The following PCDHGB6 variants were observed in gnomAD, a reference collection of about 807,000 sequenced individuals.
PCDHGB6 encodes the protein protocadherin gamma-B6.
PCDHGB6 carries 51 observed loss-of-function variants against 59.1 expected under a neutral mutation model. That is an observed-to-expected ratio of 0.86 (90% CI 0.69 to 1.09). PCDHGB6 has a LOEUF of 1.09. PCDHGB6 is among the 50% of genes least tolerant of loss of function. The probability of loss-of-function intolerance (pLI) is 0.00; values close to 1 mark genes in which losing one functional copy is unlikely to be tolerated. For missense variants in PCDHGB6, 1,148 were observed against 1,205.1 expected (o/e 0.95, Z 0.70); for synonymous variants, 466 against 495.1 (o/e 0.94, Z 0.78).
In PCDHGB6 at chr5:141,491,759, G is replaced by A; in HGVS notation, c.2419-3048G>A. On this transcript the variant is annotated intron_variant, in intron 1 of 3. Coordinates refer to ENST00000520790, the MANE Select transcript of PCDHGB6 (RefSeq NM_018926.3). The surrounding 1 kb of genome is among the most constrained non-coding windows in gnomAD (Gnocchi z 6.9). ...GGGGGCGGCACTGGAGAAGCCGCCC[G>A]TCCTCATAAGGGATTGAACTTGCAT... 2 of 1,575,392 alleles carry A rather than the reference G, an allele frequency of 1.3e-6. No homozygotes were observed. The highest frequency in any genetic ancestry group is 1.9e-5 in the Admixed American group (1 of 52,640).
intron 1 of PCDHGB6, chr5:141,428,289 G>A: frequency 1.4e-6 from 1 of 728,400 alleles, no homozygotes; most frequent in Non-Finnish European, 2.4e-6. Context: ...CCCAAGCAAA[G>A]CTGCAGATTT....
intron 1 of PCDHGB6, chr5:141,426,709 A>G (rs1259104705): frequency 6.8e-6 from 3 of 443,800 alleles, no homozygotes; most frequent in South Asian, 3.1e-5. Flanking sequence ...TTACAAATCA[A>G]TGAACTAGCA....
At position 141,430,860 on chromosome 5, in the gene PCDHGB6, C is replaced by G. The variant is rs773955533; in HGVS notation, c.2418+20240C>G. ...ACCGGATGCACCCAGATACGCTATTCAGTTCCGGAAGAGCTGGAGAAAGGC... is the reference window on the plus strand; with the variant it reads ...ACCGGATGCACCCAGATACGCTATTGAGTTCCGGAAGAGCTGGAGAAAGGC... On this transcript the variant is annotated intron_variant, in intron 1 of 3. Transcript: ENST00000520790. 4 of 1,592,382 alleles carry G rather than the reference C, an allele frequency of 2.5e-6. No individual in the cohort carries two copies. In the South Asian group the frequency reaches 4.6e-5, roughly 18 times the overall value.
Position 141,490,924 on chromosome 5 carries a change from C to G in PCDHGB6, c.2419-3883C>G, listed in dbSNP as rs1469202824. The G allele has an allele frequency of 1.9e-6, 3 of 1,613,562 alleles. No individual in the cohort carries two copies. The highest frequency in any genetic ancestry group is 2.5e-6 in the Non-Finnish European group (3 of 1,179,702). ...TGTCCTAGACGAGAATGATAATGCC[C>G]CAGCTGTGCTGCACCCACGGCCAGA... On this transcript the variant is annotated intron_variant, in intron 1 of 3. Transcript: ENST00000520790. The surrounding 1 kb of genome is among the most constrained non-coding windows in gnomAD (Gnocchi z 5.4).
chr5:141,437,728 A>T (rs1236819934), intron 1 of PCDHGB6, among the ~76,000 whole-genome samples: 1 of 150,908 alleles, frequency 6.6e-6, no homozygotes, highest in Non-Finnish European at 1.5e-5. Context: ...CTAATGTTAC[A>T]CTTTGAGTTC....
At chr5:141,482,239 A>G (rs529504334) in intron 1 of PCDHGB6, among the ~76,000 whole-genome samples, 31 of 152,332 alleles carry the variant, frequency 2.0e-4, no homozygotes, top group Middle Eastern at 3.4e-3. Context: ...TGCCAATATA[A>G]GTATAGTACT....
chr5:141,409,446 C>A lies in PCDHGB6; in HGVS notation c.1244C>A (p.Thr415Lys). ...GATGGAGCCCTGGACCGAGAGCAGACACCAGAATACAATGTCACCATCGTA... is the reference window on the plus strand; with the variant it reads ...GATGGAGCCCTGGACCGAGAGCAGAAACCAGAATACAATGTCACCATCGTA... ...VTDGALDREQTPEYNVTIVAT... is the reference protein window; with the variant it reads ...VTDGALDREQKPEYNVTIVAT... The change falls in exon 1 of 4, where the codon ACA (threonine) becomes AAA (lysine). Residue 415 changes from threonine (T) to lysine (K), a missense_variant. Around this residue, in one of 5 missense-constraint regions of PCDHGB6, gnomAD observed 549 missense variants for 527.5 expected, o/e 1.04. Coordinates refer to ENST00000520790, the MANE Select transcript of PCDHGB6 (RefSeq NM_018926.3). 1 of 1,613,984 alleles carries A rather than the reference C, an allele frequency of 6.2e-7. No individual in the cohort carries two copies. The highest frequency in any genetic ancestry group is 1.6e-4 in the Middle Eastern group (1 of 6,062).
chr5:141,465,786 T>G (rs1236517595), intron 1 of PCDHGB6, among the ~76,000 whole-genome samples: 1 of 152,136 alleles, frequency 6.6e-6, no homozygotes, highest in Non-Finnish European at 1.5e-5. Flanking sequence ...ACAGTTTTTT[T>G]TTTTTTAAGA....
At chr5:141,418,632 G>A in intron 1 of PCDHGB6, 1 of 1,614,028 alleles carries the variant, frequency 6.2e-7, no homozygotes, top group Non-Finnish European at 8.5e-7. Flanking sequence ...GTGCCTCCAG[G>A]CACCTCCATC....
chr5:141,416,817 C>T (rs1197915095), intron 1 of PCDHGB6: 1 of 151,958 alleles, frequency 6.6e-6, no homozygotes, highest in Non-Finnish European at 1.5e-5. Flanking sequence ...AAAAAGCATT[C>T]CGAAGTTTCT....
Position 141,489,068 on chromosome 5 carries a change from G to GC in PCDHGB6, c.2419-5736dup. ...CTCAAATTCAGCTCCCCTCCCCCCT[G>GC]CCCACCCCCGCCACTCGGTGACTAA... On this transcript the variant is annotated intron_variant, in intron 1 of 3. Transcript: ENST00000520790. The surrounding 1 kb of genome is among the most constrained non-coding windows in gnomAD (Gnocchi z 4.5). 3 of 291,558 alleles carry GC rather than the reference G, an allele frequency of 1.0e-5. No homozygotes were observed. Among genetic ancestry groups the GC allele is most frequent in the Admixed American group, 5.4e-5 (1 of 18,530 alleles). 18.1% of individuals were successfully genotyped at this position (291,558 alleles called of 1,614,324 possible).
chr5:141,498,971 GGGAAGGAAGGAAGGAAGGAAGGAAGGAA>G (rs201769957), intron 2 of PCDHGB6, among the ~76,000 whole-genome samples: 8 of 111,052 alleles, frequency 7.2e-5, no homozygotes, highest in South Asian at 3.8e-4. Flanking sequence ...GAGGGAGGGA[GGGAAGGAAGGAAGGAAGGAAGGAAGGAA>G]GGAAGGAAGG....
chr5:141,504,379 G>A lies in PCDHGB6; in HGVS notation c.2478-1014G>A, dbSNP rs181617363. On this transcript the variant is annotated intron_variant, in intron 2 of 3. Transcript: ENST00000520790. ...GCTTCAGTAGGAAGCAGGTGGAGTC[G>A]CTGCCTCACAGAAGCCAGTGTGGTG... Among the ~76,000 whole-genome samples the A allele has an allele frequency of 2.4e-3, 361 of 152,206 alleles. 1 individual carries two copies. The highest frequency in any genetic ancestry group is 0.021 in the Admixed American group (315 of 15,286).
In PCDHGB6 at chr5:141,487,160, G is replaced by A. The variant is rs1188929436; in HGVS notation, c.2419-7647G>A. 5.0e-6 allele frequency: 8 copies of A among 1,613,830 alleles called. No homozygotes were observed. The highest frequency in any genetic ancestry group is 5.1e-6 in the Non-Finnish European group (6 of 1,179,840). ...ACTCTCTACCTCTGTTACTCTCTTA[G>A]TGTCCTTAGAGGAAGACACTCATCC... On this transcript the variant is annotated intron_variant, in intron 1 of 3. Transcript: ENST00000520790. The surrounding 1 kb of genome is among the most constrained non-coding windows in gnomAD (Gnocchi z 5.0).
rs200045647 is a variant in PCDHGB6, at chr5:141,490,150, G to A, written c.2419-4657G>A. 50 of 1,614,246 alleles carry A rather than the reference G, an allele frequency of 3.1e-5. No individual in the cohort carries two copies. The Admixed American group carries it at 7.7e-4, about 25-fold the overall frequency. On this transcript the variant is annotated intron_variant, in intron 1 of 3. Transcript: ENST00000520790. The surrounding 1 kb of genome is among the most constrained non-coding windows in gnomAD (Gnocchi z 5.4). ...AGACCCTAGCAGTGGGGCAATCCAT[G>A]TGTTGGGTCCCATAGACTTTGAGGA...
intron 1 of PCDHGB6, among the ~76,000 whole-genome samples, chr5:141,457,278 C>T (rs1446074161): frequency 6.6e-6 from 1 of 152,196 alleles, no homozygotes; most frequent in Non-Finnish European, 1.5e-5. Flanking sequence ...TGTGGGCCTA[C>T]GAAGTTCCTT....
intron 1 of PCDHGB6, among the ~76,000 whole-genome samples, chr5:141,463,346 C>G (rs963070531): frequency 6.7e-6 from 1 of 150,312 alleles, no homozygotes; most frequent in Non-Finnish European, 1.5e-5. Context: ...TGGTGTTATT[C>G]TTGGATTTCC....
intron 1 of PCDHGB6, chr5:141,410,843 C>CTT: frequency 4.6e-6 from 1 of 216,280 alleles, no homozygotes; most frequent in South Asian, 8.0e-5. Flanking sequence ...GATATTTTGT[C>CTT]TTTGTCTTTT....
rs116187844 is a variant in PCDHGB6, at chr5:141,424,198, C to T, written c.2418+13578C>T. The T allele has an allele frequency of 8.5e-3, 1,543 of 182,010 alleles. 28 individuals are homozygous for T. Among genetic ancestry groups the T allele is most frequent in the African/African-American group, 0.035 (1,445 of 41,852 alleles). The allele number at this position is 182,010 out of a possible 1,614,324, so 11.3% of individuals were successfully genotyped here. ...ATACACATGCACACACACTTATACA[C>T]GTAAGCTTTTCTCTGAGCAATTTTA... On this transcript the variant is annotated intron_variant, in intron 1 of 3. Coordinates refer to ENST00000520790, the MANE Select transcript of PCDHGB6 (RefSeq NM_018926.3).
Sources: gnomAD v4.1 joint callset for allele counts (sites outside exome capture counted in the v4.1 genomes callset) on GRCh38, gnomAD v4.1.1 for gene constraint, gnomAD v4.1.1 regional missense constraint, Gnocchi (gnomAD v3.1) non-coding constraint, MANE v1.5 for transcripts, NCBI Gene and HGNC (gene_info 2026-07-23, HGNC 2026-07-21) for gene names.